The following PXYLP1 variants were observed in gnomAD, a reference collection of about 807,000 sequenced individuals.
The protein encoded by PXYLP1 is acid phosphatase-like 2.
PXYLP1 carries 17 observed loss-of-function variants against 37.9 expected under a neutral mutation model. The ratio of observed to expected loss-of-function variants is 0.45; its 90% CI spans 0.31 to 0.67. The LOEUF (loss-of-function observed/expected upper bound fraction) is 0.67, where lower values mean the gene tolerates loss of function less well. PXYLP1 is among the 30% of genes least tolerant of loss of function. PXYLP1 has a pLI of 0.07. For missense variants in PXYLP1, 511 were observed against 612.0 expected (o/e 0.84, Z 1.74); for synonymous variants, 221 against 232.2 (o/e 0.95, Z 0.44).
At chr3:141,279,585 G>A in intron 4 of PXYLP1, 81 bp downstream of exon 4, 1 of 1,555,654 alleles carries the variant, frequency 6.4e-7, no homozygotes, top group Non-Finnish European at 8.8e-7. Context: ...CCTACACTTG[G>A]TGAACCATAC....
At chr3:141,251,236 G>T (rs1941132723) in intron 1 of PXYLP1, among the ~76,000 whole-genome samples, 1 of 152,230 alleles carries the variant, frequency 6.6e-6, no homozygotes, top group African/African-American at 2.4e-5. Context: ...CAAGGAATGG[G>T]TGGCCTTGCC....
intron 2 of PXYLP1, among the ~76,000 whole-genome samples, chr3:141,268,198 AGAGAGAGAGTGTGTGT>A (rs1467771600): frequency 1.4e-3 from 63 of 44,352 alleles, no homozygotes; most frequent in South Asian, 5.0e-3. Context: ...AGAGAGAGAG[AGAGAGAGAGTGTGTGT>A]GTGTGTGTGT....
Position 141,287,470 on chromosome 3 carries a change from T to G in PXYLP1, c.505+17T>G. On this transcript the variant is annotated intron_variant, in intron 5 of 5. Transcript: ENST00000286353. ...CACAGACAGGTATGTGTGACCCCCA[T>G]GCGCTCAGGGGTTCCCCCACCCGCT... 6.2e-7 allele frequency: 1 copy of G among 1,610,724 alleles called. No homozygotes were observed. Among genetic ancestry groups the G allele is most frequent in the East Asian group, 2.2e-5 (1 of 44,804 alleles).
At chr3:141,243,772 C>T (rs749639750) in intron 1 of PXYLP1, among the ~76,000 whole-genome samples, 8 of 152,256 alleles carry the variant, frequency 5.3e-5, no homozygotes, top group Non-Finnish European at 1.0e-4. Flanking sequence ...TAAGCACCTC[C>T]ACTGCTACCT....
chr3:141,271,871 C>T (rs1334384443), intron 2 of PXYLP1, among the ~76,000 whole-genome samples: 7 of 152,136 alleles, frequency 4.6e-5, no homozygotes, highest in Non-Finnish European at 1.0e-4. Flanking sequence ...CATGACAGCC[C>T]CCACCGGGCC....
intron 2 of PXYLP1, among the ~76,000 whole-genome samples, chr3:141,272,504 G>A (rs527964368): frequency 2.6e-5 from 4 of 152,300 alleles, no homozygotes; most frequent in Admixed American, 6.5e-5. Flanking sequence ...TGATTAAGTC[G>A]TGTTTTGCTT....
intron 4 of PXYLP1, among the ~76,000 whole-genome samples, chr3:141,283,141 AT>A (rs11355634): frequency 0.62 from 89,303 of 144,770 alleles, 27,185 homozygotes; most frequent in South Asian, 0.84. Flanking sequence ...TAATTTTTGT[AT>A]TTTTTTTTTT....
intron 2 of PXYLP1, 131 bp downstream of exon 2, chr3:141,260,385 A>T (rs1941363925): frequency 2.2e-5 from 23 of 1,050,310 alleles, no homozygotes; most frequent in Non-Finnish European, 2.8e-5. Context: ...GTTGGCACTC[A>T]CAGTGGCCGG....
At position 141,292,150 on chromosome 3, in the gene PXYLP1, G is replaced by A. The variant is rs1942229295; in HGVS notation, c.506-118G>A. ...GTAACTTCCACACCATGGGGAAACA[G>A]GCTGGATGCCATTCTCTTGCCCTAA... On this transcript the variant is annotated intron_variant, in intron 5 of 5. Transcript: ENST00000286353. This position sits in a 1 kb window ranked among gnomAD's most constrained non-coding sequence, Gnocchi z 4.3. The A allele has an allele frequency of 5.3e-6, 5 of 950,102 alleles. No homozygotes were observed. The highest frequency in any genetic ancestry group is 7.9e-6 in the Non-Finnish European group (5 of 632,084). The allele number at this position is 950,102 out of a possible 1,614,324, so 58.9% of individuals were successfully genotyped here.
chr3:141,265,036 C>T (rs530347024), intron 2 of PXYLP1, among the ~76,000 whole-genome samples: 1 of 152,250 alleles, frequency 6.6e-6, no homozygotes, highest in African/African-American at 2.4e-5. Context: ...CTGAGTTCAT[C>T]CTTTAAAGAA....
chr3:141,274,557 C>T (rs1436776020), intron 2 of PXYLP1: 1 of 1,092,062 alleles, frequency 9.2e-7, no homozygotes. Context: ...CCTCAGTGCT[C>T]CACATGAGGA....
At chr3:141,248,579 G>GTA (rs1298344315) in intron 1 of PXYLP1, among the ~76,000 whole-genome samples, 1 of 87,492 alleles carries the variant, frequency 1.1e-5, no homozygotes, top group Non-Finnish European at 2.1e-5. Flanking sequence ...ATACACACAT[G>GTA]TATATATACA....
intron 4 of PXYLP1, 31 bp from the exon 5 acceptor site, chr3:141,287,283 T>C (rs749498884): frequency 1.9e-6 from 3 of 1,609,306 alleles, no homozygotes; most frequent in Non-Finnish European, 2.5e-6. Flanking sequence ...TGGAGCACTC[T>C]GACCTCTAAC....
intron 2 of PXYLP1, among the ~76,000 whole-genome samples, chr3:141,269,806 T>C (rs1199684711): frequency 6.6e-6 from 1 of 152,170 alleles, no homozygotes; most frequent in African/African-American, 2.4e-5. Context: ...CTGTCTTGAG[T>C]GTGTGGTGAT....
intron 2 of PXYLP1, among the ~76,000 whole-genome samples, chr3:141,274,996 T>C (rs1166456700): frequency 6.6e-6 from 1 of 152,056 alleles, no homozygotes; most frequent in African/African-American, 2.4e-5. Context: ...GGGATTGGGG[T>C]CAAGATGGAG....
At chr3:141,256,306 T>C (rs1241445541) in intron 1 of PXYLP1, among the ~76,000 whole-genome samples, 1 of 152,098 alleles carries the variant, frequency 6.6e-6, no homozygotes, top group African/African-American at 2.4e-5. Flanking sequence ...ATCCTGCAGC[T>C]CAGAGAGGTG....
chr3:141,280,410 C>G (rs946575380), intron 4 of PXYLP1, among the ~76,000 whole-genome samples: 12 of 152,160 alleles, frequency 7.9e-5, no homozygotes, highest in Non-Finnish European at 5.9e-5. Context: ...CCATTTTTGG[C>G]GCTCCCATTT....
intron 2 of PXYLP1, among the ~76,000 whole-genome samples, chr3:141,264,451 G>A (rs1043837672): frequency 2.6e-5 from 4 of 152,178 alleles, no homozygotes; most frequent in Admixed American, 6.5e-5. Context: ...TAAACTCTAG[G>A]TTTTATGAAT....
intron 2 of PXYLP1, among the ~76,000 whole-genome samples, chr3:141,261,407 G>C (rs1443390348): frequency 6.6e-6 from 1 of 152,166 alleles, no homozygotes; most frequent in African/African-American, 2.4e-5. Context: ...GAGAACATAG[G>C]TGTTACATAA....
Sources: gnomAD v4.1 joint callset for allele counts (sites outside exome capture counted in the v4.1 genomes callset) on GRCh38, gnomAD v4.1.1 for gene constraint, Gnocchi (gnomAD v3.1) non-coding constraint, MANE v1.5 for transcripts, NCBI Gene and HGNC (gene_info 2026-07-23, HGNC 2026-07-21) for gene names.